The following PDCD10 variants were observed in gnomAD, a reference collection of about 807,000 sequenced individuals.
PDCD10 encodes programmed cell death protein 10.
A neutral mutation model predicts 29.2 loss-of-function variants in PDCD10; 4 were observed. That is an observed-to-expected ratio of 0.14 (90% confidence interval 0.07 to 0.31). The LOEUF (loss-of-function observed/expected upper bound fraction) is 0.31, where lower values mean the gene tolerates loss of function less well. Ranked by LOEUF, PDCD10 falls within the 10% of genes least tolerant of loss-of-function variation. The pLI is 1.00. For missense variants in PDCD10, 183 were observed against 257.9 expected (o/e 0.71, Z 1.99); for synonymous variants, 70 against 82.2 (o/e 0.85, Z 0.80).
intron 2 of PDCD10, among the ~76,000 whole-genome samples, chr3:167,729,086 C>T (rs560802290): frequency 3.3e-5 from 5 of 152,250 alleles, no homozygotes; most frequent in Non-Finnish European, 7.4e-5. Context: ...TCTGCCACTC[C>T]CCACACCAGA....
chr3:167,723,738 A>C (rs1723816019), intron 2 of PDCD10, among the ~76,000 whole-genome samples: 1 of 152,228 alleles, frequency 6.6e-6, no homozygotes, highest in African/African-American at 2.4e-5. Context: ...CATCCACAAA[A>C]TAAAAACCAA....
At chr3:167,710,819 C>T (rs1246149437) in intron 3 of PDCD10, among the ~76,000 whole-genome samples, 1 of 152,134 alleles carries the variant, frequency 6.6e-6, no homozygotes, top group African/African-American at 2.4e-5. Flanking sequence ...GGGTGTCACC[C>T]CTCCCCCAGC....
At chr3:167,693,383 C>T (rs77144349) in intron 6 of PDCD10, among the ~76,000 whole-genome samples, 7,476 of 152,256 alleles carry the variant, frequency 0.049, 606 homozygotes, top group African/African-American at 0.17. Flanking sequence ...CAGCTTACAA[C>T]TGAGGCAAAA....
intron 3 of PDCD10, among the ~76,000 whole-genome samples, chr3:167,713,556 T>C (rs1336673529): frequency 6.6e-6 from 1 of 151,352 alleles, no homozygotes. Context: ...GGAAAAGAAA[T>C]AATAAAGATC....
chr3:167,704,860 C>A lies in PDCD10; in HGVS notation c.132G>T (p.Leu44=). 1 of 1,607,452 alleles carries A rather than the reference C, an allele frequency of 6.2e-7. No homozygotes were observed. ...ERVNLSAAQT[L]RAAFIKAEKE... Reference sequence around the variant, plus strand: ...ACCTCACCTTGATGAAAGCGGCTCTCAGTGTCTGGGCTGCAGACAGATTTA... The same window carrying A: ...ACCTCACCTTGATGAAAGCGGCTCTAAGTGTCTGGGCTGCAGACAGATTTA... The change falls in exon 4 of 9, where the codon CTG becomes CTT. Residue 44 remains leucine, a synonymous_variant. Coordinates refer to ENST00000392750, the MANE Select transcript of PDCD10 (RefSeq NM_007217.4).
intron 6 of PDCD10, among the ~76,000 whole-genome samples, chr3:167,692,714 C>T (rs903651255): frequency 3.3e-5 from 5 of 152,144 alleles, no homozygotes; most frequent in African/African-American, 1.2e-4. Context: ...GTCAAGAGAT[C>T]GAGACCATCC....
intron 2 of PDCD10, chr3:167,730,796 C>A (rs897207315): frequency 2.6e-5 from 4 of 152,100 alleles, no homozygotes; most frequent in Non-Finnish European, 5.9e-5. Flanking sequence ...TAAAAATAAT[C>A]TTTTTATGCT....
chr3:167,695,855 C>A lies in PDCD10; in HGVS notation c.269-133G>T, dbSNP rs116342752. The A allele has an allele frequency of 3.4e-4, 290 of 853,816 alleles. No individual in the cohort carries two copies. The African/African-American group carries it at 4.5e-3, about 13-fold the overall frequency. The allele number at this position is 853,816 out of a possible 1,614,324, so 52.9% of individuals were successfully genotyped here. On this transcript the variant is annotated intron_variant, in intron 5 of 8. Transcript: ENST00000392750. ...CAGATAATTAGGAAAGACAAGGTTG[C>A]AAAGCAGAATTCATTAGCGTTTGAC...
At chr3:167,692,901 G>T (rs558536055) in intron 6 of PDCD10, among the ~76,000 whole-genome samples, 34 of 152,244 alleles carry the variant, frequency 2.2e-4, no homozygotes, top group Non-Finnish European at 3.8e-4. Context: ...CTGGGCGACA[G>T]AGCAAGACTC....
intron 3 of PDCD10, among the ~76,000 whole-genome samples, chr3:167,708,337 T>C (rs1199414001): frequency 1.3e-5 from 2 of 152,238 alleles, no homozygotes; most frequent in South Asian, 2.1e-4. Context: ...TTCACACTTT[T>C]GTGAAAGCTG....
chr3:167,705,591 T>C (rs1721894838), intron 3 of PDCD10, among the ~76,000 whole-genome samples: 1 of 152,122 alleles, frequency 6.6e-6, no homozygotes, highest in East Asian at 1.9e-4. Flanking sequence ...ACCTTGCAAC[T>C]CCCTACAAAT....
At chr3:167,723,118 T>G (rs187832131) in intron 2 of PDCD10, among the ~76,000 whole-genome samples, 24 of 152,308 alleles carry the variant, frequency 1.6e-4, no homozygotes, top group African/African-American at 5.5e-4. Context: ...TCAGTAGCAT[T>G]TACATGAGAT....
intron 2 of PDCD10, among the ~76,000 whole-genome samples, chr3:167,729,671 TACTC>T (rs2108508768): frequency 6.6e-6 from 1 of 152,338 alleles, no homozygotes; most frequent in African/African-American, 2.4e-5. Flanking sequence ...AGTTACTTAA[TACTC>T]AATAAATGCT....
intron 3 of PDCD10, among the ~76,000 whole-genome samples, chr3:167,709,571 C>T (rs1437738657): frequency 1.3e-5 from 2 of 152,148 alleles, no homozygotes; most frequent in African/African-American, 4.8e-5. Context: ...GGAGAATCAC[C>T]GATCCAAGAG....
At chr3:167,693,200 A>G (rs1720444233) in intron 6 of PDCD10, among the ~76,000 whole-genome samples, 1 of 152,246 alleles carries the variant, frequency 6.6e-6, no homozygotes, top group Non-Finnish European at 1.5e-5. Context: ...GACAAAGAAT[A>G]CTATTTTCAA....
intron 2 of PDCD10, among the ~76,000 whole-genome samples, chr3:167,726,872 A>T (rs763339689): frequency 9.2e-5 from 14 of 152,262 alleles, no homozygotes; most frequent in Admixed American, 2.0e-4. Flanking sequence ...CCCCTGCATA[A>T]CATACACAAT....
chr3:167,724,002 C>A lies in PDCD10; in HGVS notation c.-116-3729G>T, dbSNP rs555562139. Among the ~76,000 whole-genome samples, 4 of 152,254 alleles carry A rather than the reference C, an allele frequency of 2.6e-5. No individual in the cohort carries two copies. The South Asian group carries it at 8.3e-4, about 32-fold the overall frequency. ...AGTAAGAAGCCCAAAAACAGGTATT[C>A]GCCACTCCGCTGCCAAACTCTTAAA... On this transcript the variant is annotated intron_variant, in intron 2 of 8. Coordinates refer to ENST00000392750, the MANE Select transcript of PDCD10 (RefSeq NM_007217.4).
chr3:167,721,269 T>A (rs1055399221), intron 2 of PDCD10, among the ~76,000 whole-genome samples: 2 of 152,210 alleles, frequency 1.3e-5, no homozygotes, highest in East Asian at 1.9e-4. Context: ...ATTTTACAAG[T>A]GTAAAGCAGG....
At chr3:167,721,749 T>G (rs868825978) in intron 2 of PDCD10, among the ~76,000 whole-genome samples, 1 of 152,146 alleles carries the variant, frequency 6.6e-6, no homozygotes, top group Non-Finnish European at 1.5e-5. Context: ...ACTCCATGAC[T>G]TGACAGAACA....
Sources: allele counts gnomAD v4.1 joint callset (sites outside exome capture counted in the v4.1 genomes callset), GRCh38; gene constraint gnomAD v4.1.1; transcripts MANE v1.5; gene names NCBI Gene and HGNC (gene_info 2026-07-23, HGNC 2026-07-21).